Variants in CLEC16A observed in about 807,000 individuals in gnomAD.
CLEC16A encodes the protein protein CLEC16A.
Under a neutral mutation model 109.5 loss-of-function variants are expected in CLEC16A, and 51 were observed. The ratio of observed to expected loss-of-function variants is 0.47; its 90% CI spans 0.37 to 0.59. The LOEUF (loss-of-function observed/expected upper bound fraction) is 0.59, where lower values mean the gene tolerates loss of function less well. Among genes scored for constraint, CLEC16A ranks in the 20% least tolerant of loss-of-function variants. CLEC16A has a pLI of 0.00. For missense variants in CLEC16A, 1,339 were observed against 1,394.0 expected (o/e 0.96, Z 0.63); for synonymous variants, 673 against 564.2 (o/e 1.19, Z -2.73).
chr16:10,994,408 C>T (rs1481076877), intron 10 of CLEC16A, among the ~76,000 whole-genome samples: 1 of 152,210 alleles, frequency 6.6e-6, no homozygotes, highest in African/African-American at 2.4e-5. Flanking sequence ...GCTTGCCAAT[C>T]ACCTCCTTCT....
chr16:11,052,881 CTTT>C (rs988185122), intron 18 of CLEC16A, among the ~76,000 whole-genome samples: 25 of 123,704 alleles, frequency 2.0e-4, no homozygotes, highest in Admixed American at 1.7e-3. Context: ...TCCACTTTGC[CTTT>C]TTGTTGTTGT....
intron 18 of CLEC16A, among the ~76,000 whole-genome samples, chr16:11,055,575 CTTTTTTTTTTTTT>C (rs71136609): frequency 0.024 from 1,011 of 41,790 alleles, 31 homozygotes; most frequent in Middle Eastern, 0.095. Context: ...TTCCCTCTTG[CTTTTTTTTTTTTT>C]TTTTTTTTTT....
intron 1 of CLEC16A, among the ~76,000 whole-genome samples, chr16:10,950,612 T>A (rs923395247): frequency 2.6e-5 from 4 of 152,192 alleles, no homozygotes; most frequent in Non-Finnish European, 5.9e-5. Context: ...CTAGCCTGAT[T>A]CCACCCTCCG....
chr16:11,065,064 A>G lies in CLEC16A; in HGVS notation c.2116+4042A>G, dbSNP rs1416203312. On this transcript the variant is annotated intron_variant, in intron 19 of 23. Coordinates refer to ENST00000409790, the MANE Select transcript of CLEC16A (RefSeq NM_015226.3). ...CTGTTTTGAGGGGTAAGAAAGATATAGCTCTGGCTGCTTTGGCCAGAGGAA... is the reference window on the plus strand; with the variant it reads ...CTGTTTTGAGGGGTAAGAAAGATATGGCTCTGGCTGCTTTGGCCAGAGGAA... Among the ~76,000 whole-genome samples the G allele has an allele frequency of 2.6e-5, 4 of 152,210 alleles. No individual in the cohort carries two copies. In the East Asian group the frequency reaches 7.7e-4, roughly 29 times the overall value.
At chr16:11,168,109 C>T (rs1189722452) in intron 23 of CLEC16A, among the ~76,000 whole-genome samples, 5 of 152,112 alleles carry the variant, frequency 3.3e-5, no homozygotes, top group Admixed American at 1.3e-4. Flanking sequence ...AAGTTAACAC[C>T]GGCAAAGACC....
At chr16:11,142,758 A>G (rs1009159017) in intron 22 of CLEC16A, among the ~76,000 whole-genome samples, 1 of 152,238 alleles carries the variant, frequency 6.6e-6, no homozygotes, top group Non-Finnish European at 1.5e-5. Context: ...CTACAGAGGT[A>G]GGCTTCTGAG....
At chr16:11,005,464 A>G (rs951916893) in intron 11 of CLEC16A, among the ~76,000 whole-genome samples, 1 of 152,212 alleles carries the variant, frequency 6.6e-6, no homozygotes, top group Non-Finnish European at 1.5e-5. Context: ...GGGCTCAGTC[A>G]CACATGGCTC....
At chr16:11,148,003 TAA>T (rs1040676304) in intron 22 of CLEC16A, among the ~76,000 whole-genome samples, 1 of 152,204 alleles carries the variant, frequency 6.6e-6, no homozygotes, top group African/African-American at 2.4e-5. Flanking sequence ...TTCTTACTGG[TAA>T]AATAGCCTCC....
At chr16:11,100,272 C>T (rs779813572) in intron 19 of CLEC16A, among the ~76,000 whole-genome samples, 6 of 152,182 alleles carry the variant, frequency 3.9e-5, no homozygotes, top group Admixed American at 1.3e-4. Flanking sequence ...TGCCCTCCTA[C>T]GGTCCTGCCA....
chr16:11,090,811 A>ATTTTTTTT (rs71136616), intron 19 of CLEC16A, among the ~76,000 whole-genome samples: 1 of 80,682 alleles, frequency 1.2e-5, no homozygotes, highest in Non-Finnish European at 2.3e-5. Context: ...TACCCAGCTA[A>ATTTTTTTT]TTTTTTTTTT....
At chr16:11,158,095 A>G (rs1198963229) in intron 22 of CLEC16A, among the ~76,000 whole-genome samples, 1 of 152,212 alleles carries the variant, frequency 6.6e-6, no homozygotes, top group Admixed American at 6.5e-5. Flanking sequence ...GTGAAAGGGC[A>G]GATCCAAGGA....
At chr16:11,110,489 A>G (rs866366202) in intron 19 of CLEC16A, among the ~76,000 whole-genome samples, 1 of 152,164 alleles carries the variant, frequency 6.6e-6, no homozygotes, top group Non-Finnish European at 1.5e-5. Context: ...CTGAAAAACA[A>G]CCGAAAACCA....
chr16:11,021,383 T>A (rs2046088938), intron 12 of CLEC16A, among the ~76,000 whole-genome samples: 1 of 152,246 alleles, frequency 6.6e-6, no homozygotes, highest in South Asian at 2.1e-4. Flanking sequence ...AAATAAGTAA[T>A]TCTAAACACA....
intron 5 of CLEC16A, 105 bp from the exon 6 acceptor site, chr16:10,972,449 C>T (rs2042838349): frequency 3.0e-6 from 3 of 984,942 alleles, no homozygotes; most frequent in Admixed American, 3.9e-5. Context: ...ACCCTAGTCT[C>T]TCTCCCTCTG....
intron 10 of CLEC16A, among the ~76,000 whole-genome samples, chr16:10,991,864 C>T (rs1300305520): frequency 6.6e-6 from 1 of 152,206 alleles, no homozygotes; most frequent in African/African-American, 2.4e-5. Flanking sequence ...TCTCAGAGAC[C>T]CCTGCCCTTT....
At chr16:11,090,972 T>G (rs2152963817) in intron 19 of CLEC16A, among the ~76,000 whole-genome samples, 1 of 152,180 alleles carries the variant, frequency 6.6e-6, no homozygotes, top group South Asian at 2.1e-4. Flanking sequence ...GCCCAGCCTA[T>G]TTTAATTTTT....
intron 20 of CLEC16A, among the ~76,000 whole-genome samples, chr16:11,121,697 T>A (rs2052421787): frequency 6.6e-6 from 1 of 151,334 alleles, no homozygotes; most frequent in Non-Finnish European, 1.5e-5. Context: ...CTGGCCAACA[T>A]GGTGAAACCC....
chr16:11,014,888 G>A (rs1369215005), intron 11 of CLEC16A, among the ~76,000 whole-genome samples: 5 of 152,170 alleles, frequency 3.3e-5, no homozygotes, highest in East Asian at 1.9e-4. Flanking sequence ...ACTATGAGGA[G>A]GTTCCCTGTG....
Position 11,136,456 on chromosome 16 carries a change from GC to G in CLEC16A, c.2641+10312del, listed in dbSNP as rs556846209. On this transcript the variant is annotated intron_variant, in intron 22 of 23. Coordinates refer to ENST00000409790, the MANE Select transcript of CLEC16A (RefSeq NM_015226.3). ...CGTGCAGCAAAGGTTAACTGCTCTTGCCATTTTGTTGTTGTTGTTGTTGTTG... is the reference window on the plus strand; with the variant it reads ...CGTGCAGCAAAGGTTAACTGCTCTTGCATTTTGTTGTTGTTGTTGTTGTTG... Among the ~76,000 whole-genome samples, 246 of 151,608 alleles carry G rather than the reference GC, an allele frequency of 1.6e-3. 1 individual carries two copies. Among genetic ancestry groups the G allele is most frequent in the African/African-American group, 5.7e-3 (232 of 40,896 alleles).
Sources: gnomAD v4.1 joint callset for allele counts (sites outside exome capture counted in the v4.1 genomes callset) on GRCh38, gnomAD v4.1.1 for gene constraint, MANE v1.5 for transcripts, NCBI Gene and HGNC (gene_info 2026-07-23, HGNC 2026-07-21) for gene names.